The following ZNF638 variants were observed in gnomAD, a reference collection of about 807,000 sequenced individuals.
ZNF638 encodes the protein CTCL tumor antigen se33-1.
Under a neutral mutation model 195.6 loss-of-function variants are expected in ZNF638, and 46 were observed. That is an observed-to-expected ratio of 0.24 (90% CI 0.19 to 0.30). The LOEUF (loss-of-function observed/expected upper bound fraction) is 0.30. ZNF638 is among the 10% of genes least tolerant of loss of function. The pLI is 1.00. For synonymous variants in ZNF638, 845 were observed against 772.0 expected (o/e 1.09, Z -1.57); for missense variants, 2,440 against 2,325.3 (o/e 1.05, Z -1.01).
intron 21 of ZNF638, among the ~76,000 whole-genome samples, chr2:71,421,501 T>C (rs1327284610): frequency 1.3e-5 from 2 of 152,178 alleles, no homozygotes; most frequent in Non-Finnish European, 1.5e-5. Context: ...CTTTGGGGCA[T>C]GAGGGAAGAC....
chr2:71,405,097 C>G (rs1016999621), intron 17 of ZNF638, among the ~76,000 whole-genome samples: 2 of 152,132 alleles, frequency 1.3e-5, no homozygotes, highest in East Asian at 3.9e-4. Context: ...AGTCCAAGTT[C>G]CTTTGCCGCA....
chr2:71,365,786 C>T, intron 6 of ZNF638, 80 bp downstream of exon 6: 2 of 1,329,348 alleles, frequency 1.5e-6, no homozygotes, highest in South Asian at 3.0e-5. Context: ...GTGCAACAAG[C>T]ATGGCTCACT....
rs374118977 is a variant in ZNF638, at chr2:71,349,874, C to T, written c.920C>T (p.Pro307Leu). The change falls in exon 2 of 28, where the codon CCC becomes CTC. Residue 307 changes from proline (P) to leucine (L), a missense_variant. Physicochemically the swap from Pro to Leu is moderately conservative, Grantham distance 98. Coordinates refer to ENST00000264447, the MANE Select transcript of ZNF638 (RefSeq NM_014497.5). The stretch of plus-strand genomic sequence containing the variant: ...TCAGGAGGACAGTCAGTCCTTGAAC[C>T]CATAAAATCCGTCAACCAATCCATT... ...HISGGQSVLE[P>L]IKSVNQSINQ... 1 of 1,614,162 alleles carries T rather than the reference C, an allele frequency of 6.2e-7. No homozygotes were observed. Among genetic ancestry groups the T allele is most frequent in the Non-Finnish European group, 8.5e-7 (1 of 1,180,028 alleles).
In ZNF638 at chr2:71,352,892, C is replaced by T. The variant is rs899412497; in HGVS notation, c.1317+2621C>T. Among the ~76,000 whole-genome samples the T allele has an allele frequency of 3.9e-5, 6 of 152,084 alleles. No homozygotes were observed. The East Asian group carries it at 9.6e-4, about 24-fold the overall frequency. On this transcript the variant is annotated intron_variant, in intron 2 of 27. Coordinates refer to ENST00000264447, the MANE Select transcript of ZNF638 (RefSeq NM_014497.5). ...TTGAGAGGAAAGGAAATCATTTAGT[C>T]ATCATTAGAGCTCACCTAGATAGAT...
chr2:71,410,981 C>A (rs2080204834), intron 20 of ZNF638, among the ~76,000 whole-genome samples: 1 of 45,038 alleles, frequency 2.2e-5, no homozygotes, highest in Non-Finnish European at 4.4e-5. Context: ...CCACCCACCA[C>A]CTCCCCCCCC....
In ZNF638 at chr2:71,420,866, A is replaced by T. The variant is rs144991278; in HGVS notation, c.3300-1948A>T. ...TTGGTAAATGACTTCTCTAAAGAAAACACTATGATTTGAAAAGACTAGCAC... is the reference window on the plus strand; with the variant it reads ...TTGGTAAATGACTTCTCTAAAGAAATCACTATGATTTGAAAAGACTAGCAC... On this transcript the variant is annotated intron_variant, in intron 21 of 27. Transcript: ENST00000264447. Among the ~76,000 whole-genome samples the T allele has an allele frequency of 2.4e-3, 366 of 152,328 alleles. 1 individual carries two copies. Among genetic ancestry groups the T allele is most frequent in the African/African-American group, 8.5e-3 (354 of 41,578 alleles).
chr2:71,363,240 AG>A, intron 4 of ZNF638, 49 bp downstream of exon 4: 1 of 1,334,394 alleles, frequency 7.5e-7, no homozygotes, highest in Non-Finnish European at 1.0e-6. Context: ...GTCTTTTAAA[AG>A]TAAACAGTTA....
intron 3 of ZNF638, among the ~76,000 whole-genome samples, chr2:71,360,552 C>A (rs557793389): frequency 1.3e-5 from 2 of 151,922 alleles, no homozygotes; most frequent in Non-Finnish European, 2.9e-5. Context: ...ATAGCCTACT[C>A]TTTGTTTCGT....
chr2:71,342,901 C>A (rs1225074618), intron 1 of ZNF638, among the ~76,000 whole-genome samples: 11 of 152,036 alleles, frequency 7.2e-5, no homozygotes, highest in Admixed American at 5.2e-4. Flanking sequence ...GAATATTATG[C>A]CTTTGTCAGA....
In ZNF638 at chr2:71,389,850, G is replaced by T. The variant is rs2079733767; in HGVS notation, c.2378-6291G>T. Among the ~76,000 whole-genome samples, 3 of 152,180 alleles carry T rather than the reference G, an allele frequency of 2.0e-5. No homozygotes were observed. In the South Asian group the frequency reaches 6.2e-4, roughly 32 times the overall value. On this transcript the variant is annotated intron_variant, in intron 10 of 27. Coordinates refer to ENST00000264447, the MANE Select transcript of ZNF638 (RefSeq NM_014497.5). ...ATTGTTGCAGTTGGCTTATGAAAAT[G>T]CTAACGTCGACTGCCAACAAGCAAT...
At chr2:71,390,565 A>G (rs548388756) in intron 10 of ZNF638, among the ~76,000 whole-genome samples, 10 of 152,284 alleles carry the variant, frequency 6.6e-5, no homozygotes, top group African/African-American at 2.4e-4. Context: ...CTCAGTTACT[A>G]TTCTTACCGT....
chr2:71,350,283 TAAA>T lies in ZNF638; in HGVS notation c.1317+17_1317+19del. Reference sequence around the variant, plus strand: ...GTAGTCATTTGAAGGTGAGTGTTTTTAAAAAAAGATCACTGTATAATGATGCTC... The same window carrying T: ...GTAGTCATTTGAAGGTGAGTGTTTTTAAAAGATCACTGTATAATGATGCTC... On this transcript the variant is annotated intron_variant, in intron 2 of 27. Coordinates refer to ENST00000264447, the MANE Select transcript of ZNF638 (RefSeq NM_014497.5). The T allele has an allele frequency of 6.3e-7, 1 of 1,591,806 alleles. No individual in the cohort carries two copies. The highest frequency in any genetic ancestry group is 1.7e-5 in the Admixed American group (1 of 58,434).
At chr2:71,418,314 T>G in intron 20 of ZNF638, 1 of 241,564 alleles carries the variant, frequency 4.1e-6, no homozygotes, top group South Asian at 1.7e-4. Flanking sequence ...AGGGAAAAGA[T>G]AGAATTTCCA....
intron 1 of ZNF638, among the ~76,000 whole-genome samples, chr2:71,335,448 A>C (rs1181123357): frequency 5.9e-5 from 9 of 152,200 alleles, no homozygotes; most frequent in Admixed American, 3.9e-4. Flanking sequence ...AAAATTTCCT[A>C]TCTTATTTCC....
chr2:71,363,358 G>T (rs906160840), intron 4 of ZNF638, among the ~76,000 whole-genome samples, 167 bp downstream of exon 4: 3 of 152,122 alleles, frequency 2.0e-5, no homozygotes, highest in Non-Finnish European at 2.9e-5. Flanking sequence ...AGGTGACACA[G>T]CCCCTCCCCT....
intron 7 of ZNF638, among the ~76,000 whole-genome samples, chr2:71,369,556 G>T (rs990421955): frequency 6.6e-6 from 1 of 152,152 alleles, no homozygotes; most frequent in South Asian, 2.1e-4. Context: ...TAAAATGTCA[G>T]ACCTACCACA....
At chr2:71,409,394 ATAGT>A (rs1558875294) in intron 20 of ZNF638, among the ~76,000 whole-genome samples, 2 of 152,124 alleles carry the variant, frequency 1.3e-5, no homozygotes, top group African/African-American at 4.8e-5. Flanking sequence ...TTCAATATCT[ATAGT>A]TAGCTTGTAT....
chr2:71,418,857 ATATT>A (rs1309762949), intron 21 of ZNF638, among the ~76,000 whole-genome samples: 4 of 152,192 alleles, frequency 2.6e-5, no homozygotes, highest in Non-Finnish European at 5.9e-5. Context: ...TATTTACTGA[ATATT>A]TAGAGTAACT....
chr2:71,424,573 T>TG (rs2080498451), intron 22 of ZNF638, 77 bp from the exon 23 acceptor site: 1 of 1,269,102 alleles, frequency 7.9e-7, no homozygotes, highest in Non-Finnish European at 1.1e-6. Flanking sequence ...TTTTTTTTGT[T>TG]TTTTGTTTTT....
Sources: gnomAD v4.1 joint callset for allele counts (sites outside exome capture counted in the v4.1 genomes callset) on GRCh38, gnomAD v4.1.1 for gene constraint, MANE v1.5 for transcripts, NCBI Gene and HGNC (gene_info 2026-07-23, HGNC 2026-07-21) for gene names.